Variants in CXADR observed in about 807,000 individuals in gnomAD.
CXADR encodes coxsackievirus and adenovirus receptor.
In CXADR, 20 loss-of-function variants were observed where a neutral mutation model predicts 40.3. The observed-to-expected ratio is 0.50, with a 90% CI of 0.35 to 0.72. The LOEUF is 0.72. CXADR is among the 30% of genes least tolerant of loss of function. The probability of loss-of-function intolerance (pLI) is 0.01; values close to 1 mark genes in which losing one functional copy is unlikely to be tolerated. For missense variants in CXADR, 332 were observed against 449.1 expected (o/e 0.74, Z 2.36); for synonymous variants, 150 against 161.3 (o/e 0.93, Z 0.53).
the CXADR span, chr21:17,604,778 ACAGG>A: frequency 6.8e-7 from 1 of 1,463,220 alleles, no homozygotes; most frequent in Non-Finnish European, 9.1e-7. Flanking sequence ...ATAAAGATAC[ACAGG>A]CAGGCCGTAC....
exon 8 of CXADR, chr21:17,593,205 T>C: frequency 7.0e-7 from 1 of 1,437,654 alleles, no homozygotes; most frequent in Non-Finnish European, 9.2e-7. Context: ...TATGGACTAC[T>C]GAAGAATCTG....
intron 7 of CXADR, among the ~76,000 whole-genome samples, chr21:17,588,657 TTC>T (rs764577186): frequency 6.6e-6 from 1 of 152,164 alleles, no homozygotes; most frequent in African/African-American, 2.4e-5. Flanking sequence ...GGATCTGTAA[TTC>T]TGTTTCACTG....
At position 17,536,065 on chromosome 21, in the gene CXADR, C is replaced by A. The variant is rs570799188; in HGVS notation, c.44-10962C>A. ...AAACTTTTCATTTTTTTGTTAATTT[C>A]TTTGGAATGGCGCCAGATATTTCGA... On this transcript the variant is annotated intron_variant, in intron 1 of 6. Transcript: ENST00000284878. Among the ~76,000 whole-genome samples, 4 of 152,190 alleles carry A rather than the reference C, an allele frequency of 2.6e-5. No homozygotes were observed. The South Asian group carries it at 8.3e-4, about 32-fold the overall frequency.
chr21:17,590,202 T>C (rs777296191), intron 7 of CXADR, among the ~76,000 whole-genome samples: 1 of 148,814 alleles, frequency 6.7e-6, no homozygotes. Context: ...TCTTAACTTT[T>C]ATGGAAGAAA....
In CXADR at chr21:17,522,164, T is replaced by G. The variant is rs542279477; in HGVS notation, c.43+8992T>G. On this transcript the variant is annotated intron_variant, in intron 1 of 6. Transcript: ENST00000284878. ...TTTTCTTCTTTCTTCCTTTTTTTTT[T>G]GGAGACGGAGTTTTGCTCTTGTTGC... Among the ~76,000 whole-genome samples, 5 of 152,002 alleles carry G rather than the reference T, an allele frequency of 3.3e-5. No homozygotes were observed. The East Asian group carries it at 9.7e-4, about 29-fold the overall frequency.
At chr21:17,544,477 AG>A (rs1470305793) in intron 1 of CXADR, among the ~76,000 whole-genome samples, 3 of 152,198 alleles carry the variant, frequency 2.0e-5, no homozygotes, top group Non-Finnish European at 4.4e-5. Flanking sequence ...GTGGGTTGCT[AG>A]TTAGACTAGG....
chr21:17,569,946 G>A lies in CXADR; in HGVS notation c.*4254G>A. The A allele has an allele frequency of 1.0e-6, 1 of 985,418 alleles. No individual in the cohort carries two copies. Among genetic ancestry groups the A allele is most frequent in the South Asian group, 4.7e-5 (1 of 21,280 alleles). 61.0% of individuals were successfully genotyped at this position (985,418 alleles called of 1,614,324 possible). ...CTTCACGTGTGCAAAGTATAGAACTGACAGTGTCAGTTTCAGATTTTGTAT... is the reference window on the plus strand; with the variant it reads ...CTTCACGTGTGCAAAGTATAGAACTAACAGTGTCAGTTTCAGATTTTGTAT... On this transcript the variant is annotated 3_prime_UTR_variant, in exon 7 of 7. Transcript: ENST00000284878.
the CXADR span, chr21:17,604,384 G>A: frequency 1.7e-4 from 34 of 196,944 alleles, no homozygotes; most frequent in East Asian, 1.0e-3. Flanking sequence ...GGCAGAGGTT[G>A]CAGACAGCCA....
chr21:17,514,651 TA>T (rs2060436305), intron 1 of CXADR, among the ~76,000 whole-genome samples: 1 of 151,090 alleles, frequency 6.6e-6, no homozygotes, highest in Admixed American at 6.6e-5. Flanking sequence ...TTTTTTTTTT[TA>T]AATGGAGTTT....
At chr21:17,599,081 T>TA in the CXADR span, 2,962 of 315,602 alleles carry the variant, frequency 9.4e-3, 2 homozygotes, top group Middle Eastern at 0.014. Flanking sequence ...TACTAATTCC[T>TA]AAAAAAAAAA....
intron 3 of CXADR, 26 bp downstream of exon 3, chr21:17,551,979 G>C: frequency 6.5e-7 from 1 of 1,537,088 alleles, no homozygotes; most frequent in Non-Finnish European, 9.0e-7. Context: ...TTGTGTTAAC[G>C]GGTTACTGAG....
intron 6 of CXADR, among the ~76,000 whole-genome samples, chr21:17,562,406 C>G (rs1296634944): frequency 3.9e-5 from 6 of 152,222 alleles, no homozygotes; most frequent in Non-Finnish European, 7.3e-5. Flanking sequence ...ACTGCAACCT[C>G]TGCCCCCTGG....
the CXADR span, among the ~76,000 whole-genome samples, chr21:17,636,011 C>T: frequency 7.2e-5 from 11 of 152,262 alleles, no homozygotes; most frequent in South Asian, 2.3e-3. Context: ...TCTTGAACAT[C>T]TTTTGTCGAA....
At chr21:17,633,750 C>T in the CXADR span, among the ~76,000 whole-genome samples, 1 of 152,172 alleles carries the variant, frequency 6.6e-6, no homozygotes, top group Admixed American at 6.5e-5. Flanking sequence ...AGGCTATTGT[C>T]TGTTCTTTGA....
downstream of CXADR, among the ~76,000 whole-genome samples, chr21:17,573,923 A>C (rs369667493): frequency 6.6e-6 from 1 of 152,106 alleles, no homozygotes; most frequent in South Asian, 2.1e-4. Flanking sequence ...AAAATTCATA[A>C]TCTGAATTTG....
chr21:17,624,979 C>G, the CXADR span, among the ~76,000 whole-genome samples: 1 of 152,138 alleles, frequency 6.6e-6, no homozygotes, highest in African/African-American at 2.4e-5. Flanking sequence ...TTTTCTTTCT[C>G]TAACCACTAT....
In CXADR at chr21:17,567,860, T is replaced by TC; in HGVS notation, c.*2170dup. On this transcript the variant is annotated 3_prime_UTR_variant, in exon 7 of 7. Transcript: ENST00000284878. ...AAGTGGACACGTATAAGACTTTCCTTCCTTTTTTTTTTTAATAACATATGA... is the reference window on the plus strand; with the variant it reads ...AAGTGGACACGTATAAGACTTTCCTTCCCTTTTTTTTTTTAATAACATATGA... 1.1e-6 allele frequency: 1 copy of TC among 903,934 alleles called. No homozygotes were observed. The highest frequency in any genetic ancestry group is 5.3e-5 in the South Asian group (1 of 18,860). 56.0% of individuals were successfully genotyped at this position (903,934 alleles called of 1,614,324 possible). A position where few individuals can be genotyped will look rare whatever the true frequency, so the allele number is the denominator to read the frequency against.
At chr21:17,521,128 A>G (rs942301978) in intron 1 of CXADR, among the ~76,000 whole-genome samples, 2 of 152,166 alleles carry the variant, frequency 1.3e-5, no homozygotes, top group Non-Finnish European at 2.9e-5. Context: ...TGAACTTCTA[A>G]TAAGTACATG....
chr21:17,599,486 T>TG, the CXADR span, among the ~76,000 whole-genome samples: 1 of 150,130 alleles, frequency 6.7e-6, no homozygotes, highest in Admixed American at 6.6e-5. Flanking sequence ...TTTTTTTTTT[T>TG]TTTTTTTTGA....
Sources: gnomAD v4.1 joint callset for allele counts (sites outside exome capture counted in the v4.1 genomes callset) on GRCh38, gnomAD v4.1.1 for gene constraint, MANE v1.5 for transcripts, NCBI Gene and HGNC (gene_info 2026-07-23, HGNC 2026-07-21) for gene names.